Variants in FAM110C observed in about 807,000 individuals in gnomAD.
The protein encoded by FAM110C is protein FAM110C.
A neutral mutation model predicts 15.7 loss-of-function variants in FAM110C; 19 were observed. The observed-to-expected ratio is 1.21, with a 90% CI of 0.85 to 1.78. The LOEUF is 1.78. Ranked by LOEUF, FAM110C falls within the 40% of genes most tolerant of loss-of-function variation. FAM110C has a pLI of 0.00. For missense variants in FAM110C, 547 were observed against 495.7 expected, an observed-to-expected ratio of 1.10 and a Z score of -0.98; for synonymous variants, 275 against 233.9, an observed-to-expected ratio of 1.18 and a Z score of -1.61.
Position 46,309 on chromosome 2 carries a change from G to C in FAM110C, c.77C>G (p.Pro26Arg). Residue 26 changes from proline to arginine, a missense_variant, in exon 1 of 2, where the codon CCC becomes CGC. By Grantham distance (103) the Pro-to-Arg change is moderately radical. Transcript: ENST00000327669. ...LPRDPAATRDPDAARPARRSA... is the reference protein window; with the variant it reads ...LPRDPAATRDRDAARPARRSA... ...CCTGCGCGCCGGCCGCGCGGCGTCG[G>C]GGTCCCGGGTAGCCGCGGGGTCCCG... is the stretch of plus-strand genomic sequence containing the variant. 1 of 1,327,192 alleles carries C rather than the reference G, an allele frequency of 7.5e-7. No individual in the cohort carries two copies. Among genetic ancestry groups the C allele is most frequent in the Non-Finnish European group, 9.6e-7 (1 of 1,045,282 alleles). 82.2% of individuals were successfully genotyped at this position (1,327,192 alleles called of 1,614,324 possible).
chr2:45,267 G>C (rs878877744), intron 1 of FAM110C, 173 bp downstream of exon 1: 1 of 985,370 alleles, frequency 1.0e-6, no homozygotes, highest in Admixed American at 6.1e-5. Context: ...TCAGCAGCGG[G>C]GGCTCAACTC....
intron 1 of FAM110C, chr2:42,262 AG>A (rs1000603237): frequency 1.0e-6 from 1 of 985,334 alleles, no homozygotes; most frequent in African/African-American, 1.7e-5. Context: ...GCGCTTCTAC[AG>A]GTATTTCTTT....
chr2:43,225 G>T (rs1664174888), intron 1 of FAM110C: 1 of 985,304 alleles, frequency 1.0e-6, no homozygotes, highest in Non-Finnish European at 1.2e-6. Flanking sequence ...CATTAGTAAA[G>T]AAAATCTTTA....
chr2:46,141 G>A lies in FAM110C; in HGVS notation c.245C>T (p.Pro82Leu), dbSNP rs763828716. The A allele has an allele frequency of 1.4e-6, 2 of 1,437,148 alleles. No homozygotes were observed. Among genetic ancestry groups the A allele is most frequent in the East Asian group, 2.8e-5 (1 of 35,914 alleles). The allele number at this position is 1,437,148 out of a possible 1,614,324, so 89.0% of individuals were successfully genotyped here. A position where few individuals can be genotyped will look rare whatever the true frequency, so the allele number is the denominator to read the frequency against. ...GNDPGPPARAPAPVARRAIAR... is the reference protein window; with the variant it reads ...GNDPGPPARALAPVARRAIAR... The stretch of plus-strand genomic sequence containing the variant: ...AATAGCCCTGCGCGCCACCGGGGCC[G>A]GGGCGCGGGCCGGGGGCCCAGGGTC... Residue 82 changes from proline (P) to leucine (L), a missense_variant, in exon 1 of 2, where the codon CCG (proline) becomes CTG (leucine). Transcript: ENST00000327669.
At position 46,268 on chromosome 2, in the gene FAM110C, G is replaced by A. The variant is rs1424500530; in HGVS notation, c.118C>T (p.Leu40=). 1 of 1,408,350 alleles carries A rather than the reference G, an allele frequency of 7.1e-7. No homozygotes were observed. Among genetic ancestry groups the A allele is most frequent in the Non-Finnish European group, 9.2e-7 (1 of 1,084,862 alleles). The allele number at this position is 1,408,350 out of a possible 1,614,324, so 87.2% of individuals were successfully genotyped here. A position where few individuals can be genotyped will look rare whatever the true frequency, so the allele number is the denominator to read the frequency against. ...RPARRSAVER[L]AADRAKYVRG... is the part of the protein sequence containing the mutation. ...ACATACTTGGCGCGATCCGCCGCCA[G>A]CCTCTCCACTGCGCTCCTGCGCGCC... The change falls in exon 1 of 2, where the codon CTG becomes TTG. Residue 40 remains leucine, a synonymous_variant. Transcript: ENST00000327669.
At position 45,480 on chromosome 2, in the gene FAM110C, C is replaced by A; in HGVS notation, c.906G>T (p.Lys302Asn). The A allele has an allele frequency of 6.2e-7, 1 of 1,613,860 alleles. No individual in the cohort carries two copies. Among genetic ancestry groups the A allele is most frequent in the South Asian group, 1.1e-5 (1 of 91,062 alleles). The change falls in exon 1 of 2, where the codon AAG becomes AAT. Residue 302 changes from lysine (K) to asparagine (N), a missense_variant. Physicochemically the swap from Lys to Asn is moderately conservative, Grantham distance 94 (BLOSUM62 0). Transcript: ENST00000327669. ...GCTCCTGGCTGGGGGTCTCCTTGGC[C>A]TTCTTACAGGTGTACAGCCACTTGA... is the stretch of plus-strand genomic sequence containing the variant. ...RIIKWLYTCK[K>N]AKETPSQEQS...
Position 45,570 on chromosome 2 carries a change from C to T in FAM110C, c.816G>A (p.Gln272=). 1 of 1,613,578 alleles carries T rather than the reference C, an allele frequency of 6.2e-7. No homozygotes were observed. The highest frequency in any genetic ancestry group is 1.6e-4 in the Middle Eastern group (1 of 6,062). Residue 272 remains glutamine (Q), a synonymous_variant, in exon 1 of 2, where the codon CAG becomes CAA. Coordinates refer to ENST00000327669, the MANE Select transcript of FAM110C (RefSeq NM_001077710.3). ...RHSGGDDEGL[Q]EEELIEQVPS... ...GCACCTGCTCTATCAGCTCCTCCTCCTGCAGCCCCTCGTCGTCGCCGCCGC... is the reference window on the plus strand; with the variant it reads ...GCACCTGCTCTATCAGCTCCTCCTCTTGCAGCCCCTCGTCGTCGCCGCCGC...
chr2:43,213 T>C (rs1664174572), intron 1 of FAM110C: 1 of 985,428 alleles, frequency 1.0e-6, no homozygotes, highest in Non-Finnish European at 1.2e-6. Context: ...TCTAGGGAAG[T>C]ACATTAGTAA....
At chr2:43,015 G>T (rs1664168392) in intron 1 of FAM110C, 1 of 985,330 alleles carries the variant, frequency 1.0e-6, no homozygotes, top group Non-Finnish European at 1.2e-6. Context: ...TTCCCTGCTG[G>T]TCTCCTCCAG....
chr2:44,419 C>A (rs1664220885), intron 1 of FAM110C: 1 of 985,406 alleles, frequency 1.0e-6, no homozygotes, highest in Non-Finnish European at 1.2e-6. Flanking sequence ...CTCCCCCAAA[C>A]TCTACAGGCT....
At chr2:41,852 G>A in intron 1 of FAM110C, 15 of 985,320 alleles carry the variant, frequency 1.5e-5, no homozygotes, top group Non-Finnish European at 1.8e-5. Context: ...CCATCTCCCT[G>A]CAGGCCTTTT....
In FAM110C at chr2:43,215, C is replaced by T. The variant is rs941499725; in HGVS notation, c.947-1588G>A. 6.1e-6 allele frequency: 6 copies of T among 985,320 alleles called. No individual in the cohort carries two copies. In the Admixed American group the frequency reaches 3.7e-4, roughly 61 times the overall value. The allele number at this position is 985,320 out of a possible 1,614,324, so 61.0% of individuals were successfully genotyped here. ...GTGCTGTTTTGGGTCTAGGGAAGTACATTAGTAAAGAAAATCTTTATAGTG... is the reference window on the plus strand; with the variant it reads ...GTGCTGTTTTGGGTCTAGGGAAGTATATTAGTAAAGAAAATCTTTATAGTG... On this transcript the variant is annotated intron_variant, in intron 1 of 1. Transcript: ENST00000327669.
chr2:45,402 A>C (rs1664246876), intron 1 of FAM110C, 38 bp downstream of exon 1: 1 of 1,570,812 alleles, frequency 6.4e-7, no homozygotes, highest in Non-Finnish European at 8.6e-7. Flanking sequence ...ACAGCCCCGC[A>C]CACGGCCAGC....
chr2:46,392 G>T lies in FAM110C; in HGVS notation c.-7C>A. 4 of 1,274,348 alleles carry T rather than the reference G, an allele frequency of 3.1e-6. No individual in the cohort carries two copies. The highest frequency in any genetic ancestry group is 3.1e-5 in the East Asian group (1 of 31,766). The allele number at this position is 1,274,348 out of a possible 1,614,324, so 78.9% of individuals were successfully genotyped here. A position where few individuals can be genotyped will look rare whatever the true frequency, so the allele number is the denominator to read the frequency against. ...GGGCCGCCAGGGCGCGCATCTTCGCGGGGAATGGACCGACCGGGGTTCCGG... is the reference window on the plus strand; with the variant it reads ...GGGCCGCCAGGGCGCGCATCTTCGCTGGGAATGGACCGACCGGGGTTCCGG... On this transcript the variant is annotated 5_prime_UTR_variant, in exon 1 of 2. Transcript: ENST00000327669.
intron 1 of FAM110C, 147 bp downstream of exon 1, chr2:45,293 A>G: frequency 7.0e-7 from 1 of 1,424,680 alleles, no homozygotes; most frequent in Non-Finnish European, 9.1e-7. Context: ...CCTCTGCGTC[A>G]GTCTCTTGGG....
At chr2:43,829 C>T (rs1387671346) in intron 1 of FAM110C, 1 of 985,160 alleles carries the variant, frequency 1.0e-6, no homozygotes, top group Non-Finnish European at 1.2e-6. Flanking sequence ...CAATAGACAA[C>T]TTTTTTTTGT....
intron 1 of FAM110C, chr2:43,516 A>G (rs1244929864): frequency 1.0e-6 from 1 of 985,264 alleles, no homozygotes; most frequent in Non-Finnish European, 1.2e-6. Context: ...CAAGCTAACT[A>G]AACTTCTTAT....
Position 41,413 on chromosome 2 carries a change from G to A in FAM110C, c.*195C>T. 1 of 512,842 alleles carries A rather than the reference G, an allele frequency of 1.9e-6. No individual in the cohort carries two copies. 31.8% of individuals were successfully genotyped at this position (512,842 alleles called of 1,614,324 possible). A position where few individuals can be genotyped will look rare whatever the true frequency, so the allele number is the denominator to read the frequency against. On this transcript the variant is annotated 3_prime_UTR_variant, in exon 2 of 2. Transcript: ENST00000327669. ...AAGGAAGACACCTCTTGGAGTTTCAGCTGTTACAACTCAGCTAAATTTCAA... is the reference window on the plus strand; with the variant it reads ...AAGGAAGACACCTCTTGGAGTTTCAACTGTTACAACTCAGCTAAATTTCAA...
In FAM110C at chr2:45,460, T is replaced by C. The variant is rs1253418039; in HGVS notation, c.926A>G (p.Gln309Arg). 3 of 1,612,216 alleles carry C rather than the reference T, an allele frequency of 1.9e-6. No individual in the cohort carries two copies. The highest frequency in any genetic ancestry group is 1.3e-5 in the African/African-American group (1 of 74,918). The change falls in exon 1 of 2, where the codon CAG (glutamine) becomes CGG (arginine). Residue 309 changes from glutamine (Q) to arginine (R), a missense_variant. Transcript: ENST00000327669. ...CACACCTCGGGTCCGGCTCTGCTCC[T>C]GGCTGGGGGTCTCCTTGGCCTTCTT... Reference protein sequence around the residue: ...TCKKAKETPSQEQSRTRGSKP... With the variant: ...TCKKAKETPSREQSRTRGSKP...
Sources: allele counts gnomAD v4.1 joint callset, GRCh38; gene constraint gnomAD v4.1.1; transcripts MANE v1.5; gene names NCBI Gene and HGNC (gene_info 2026-07-23, HGNC 2026-07-21).